Variants in SH3GL2 observed in about 807,000 individuals in gnomAD.
The protein encoded by SH3GL2 is endophilin-A1.
A neutral mutation model predicts 46.0 loss-of-function variants in SH3GL2; 24 were observed. The observed-to-expected ratio is 0.52, with a 90% CI of 0.38 to 0.73. The LOEUF (loss-of-function observed/expected upper bound fraction) is 0.73, where lower values mean the gene tolerates loss of function less well. Ranked by LOEUF, SH3GL2 falls within the 30% of genes least tolerant of loss-of-function variation. The pLI, the probability that SH3GL2 is intolerant of heterozygous loss-of-function variation, is 0.00. For missense variants in SH3GL2, 413 were observed against 424.2 expected, an observed-to-expected ratio of 0.97 and a Z score of 0.23; for synonymous variants, 196 against 147.1, an observed-to-expected ratio of 1.33 and a Z score of -2.40.
intron 1 of SH3GL2, among the ~76,000 whole-genome samples, chr9:17,582,614 T>G (rs967783523): frequency 1.3e-5 from 2 of 152,220 alleles, no homozygotes; most frequent in African/African-American, 4.8e-5. Context: ...AAGTCTATTA[T>G]AAAGTAAAAT....
At position 17,731,005 on chromosome 9, in the gene SH3GL2, T is replaced by G. The variant is rs138284703; in HGVS notation, c.46-16061T>G. Among the ~76,000 whole-genome samples, 556 of 152,248 alleles carry G rather than the reference T, an allele frequency of 3.7e-3. 6 individuals are homozygous for G. The highest frequency in any genetic ancestry group is 0.011 in the African/African-American group (452 of 41,560). ...TTGGGACTTGAGGCATGCAAAACTT[T>G]CAGAGAGAGCCATATGTTCTTATGC... On this transcript the variant is annotated intron_variant, in intron 1 of 8. Coordinates refer to ENST00000380607, the MANE Select transcript of SH3GL2 (RefSeq NM_003026.5).
intron 1 of SH3GL2, among the ~76,000 whole-genome samples, chr9:17,718,389 A>G (rs1483591524): frequency 3.9e-5 from 6 of 152,100 alleles, no homozygotes; most frequent in African/African-American, 1.2e-4. Flanking sequence ...AAAGTACACA[A>G]TGTGGCAGCA....
chr9:17,751,331 G>A (rs1465717703), intron 2 of SH3GL2, among the ~76,000 whole-genome samples: 1 of 152,148 alleles, frequency 6.6e-6, no homozygotes, highest in African/African-American at 2.4e-5. Flanking sequence ...CAGTCACTGG[G>A]TGGAGAGGGG....
intron 1 of SH3GL2, among the ~76,000 whole-genome samples, chr9:17,684,913 A>T (rs1019106578): frequency 2.6e-5 from 4 of 152,122 alleles, no homozygotes; most frequent in Admixed American, 6.6e-5. Context: ...AATCAATGGA[A>T]ATGAAGATAA....
At chr9:17,738,665 G>GAGAC (rs1270638429) in intron 1 of SH3GL2, among the ~76,000 whole-genome samples, 9 of 144,184 alleles carry the variant, frequency 6.2e-5, no homozygotes, top group South Asian at 2.3e-4. Flanking sequence ...GAGAGAGAGA[G>GAGAC]AGAGAGAGAT....
At chr9:17,623,680 AT>A (rs759634663) in intron 1 of SH3GL2, among the ~76,000 whole-genome samples, 15 of 150,100 alleles carry the variant, frequency 1.0e-4, no homozygotes, top group Non-Finnish European at 1.9e-4. Context: ...ACCTTTTCTT[AT>A]ATTTAACCCT....
intron 1 of SH3GL2, among the ~76,000 whole-genome samples, chr9:17,710,770 G>C (rs1342834685): frequency 1.3e-5 from 2 of 151,888 alleles, no homozygotes; most frequent in African/African-American, 4.8e-5. Flanking sequence ...ATTATACCAA[G>C]TGAAATAAGC....
At chr9:17,786,595 T>C in intron 4 of SH3GL2, 71 bp downstream of exon 4, 1 of 1,482,998 alleles carries the variant, frequency 6.7e-7, no homozygotes, top group Non-Finnish European at 9.4e-7. Context: ...TAAGAAATTC[T>C]GTAGGGAATC....
At chr9:17,586,285 C>T (rs745318786) in intron 1 of SH3GL2, among the ~76,000 whole-genome samples, 1 of 152,172 alleles carries the variant, frequency 6.6e-6, no homozygotes, top group African/African-American at 2.4e-5. Flanking sequence ...GTCTGTAATA[C>T]TCGTGAAGAA....
At chr9:17,640,191 A>C (rs936743388) in intron 1 of SH3GL2, among the ~76,000 whole-genome samples, 2 of 152,132 alleles carry the variant, frequency 1.3e-5, no homozygotes, top group Admixed American at 6.5e-5. Context: ...ACATTTTAAA[A>C]ATATATAGTC....
chr9:17,705,244 A>C (rs1170497512), intron 1 of SH3GL2, among the ~76,000 whole-genome samples: 1 of 152,100 alleles, frequency 6.6e-6, no homozygotes, highest in Non-Finnish European at 1.5e-5. Flanking sequence ...AGACAATAAC[A>C]GATGTTGGCA....
chr9:17,697,225 TTC>T (rs1380076820), intron 1 of SH3GL2, among the ~76,000 whole-genome samples: 1 of 149,574 alleles, frequency 6.7e-6, no homozygotes, highest in Non-Finnish European at 1.5e-5. Context: ...TCAAATGCAT[TTC>T]TTTTTTTTTT....
chr9:17,580,105 C>A (rs887112177), intron 1 of SH3GL2, among the ~76,000 whole-genome samples: 4 of 152,120 alleles, frequency 2.6e-5, no homozygotes, highest in African/African-American at 7.2e-5. Flanking sequence ...AATCATTGGA[C>A]TCAAAGAATT....
chr9:17,616,402 C>G (rs1012616552), intron 1 of SH3GL2, among the ~76,000 whole-genome samples: 5 of 152,038 alleles, frequency 3.3e-5, no homozygotes, highest in Non-Finnish European at 7.4e-5. Flanking sequence ...TCTATTGGTG[C>G]TTAAAAAAAT....
chr9:17,622,088 C>A (rs1283788187), intron 1 of SH3GL2, among the ~76,000 whole-genome samples: 1 of 152,054 alleles, frequency 6.6e-6, no homozygotes, highest in African/African-American at 2.4e-5. Flanking sequence ...AGGCTATTTC[C>A]CTATTTTTCA....
intron 1 of SH3GL2, among the ~76,000 whole-genome samples, chr9:17,672,170 C>G (rs539955305): frequency 6.6e-6 from 1 of 152,198 alleles, no homozygotes; most frequent in South Asian, 2.1e-4. Context: ...GTTGAATTTG[C>G]TTATTTTGTA....
chr9:17,748,955 C>A (rs1822768590), intron 2 of SH3GL2, among the ~76,000 whole-genome samples: 1 of 152,160 alleles, frequency 6.6e-6, no homozygotes, highest in African/African-American at 2.4e-5. Flanking sequence ...TGCCAAGAGG[C>A]AGGGTCCTGT....
intron 2 of SH3GL2, among the ~76,000 whole-genome samples, chr9:17,749,601 T>A (rs1338026101): frequency 6.6e-6 from 1 of 152,200 alleles, no homozygotes; most frequent in South Asian, 2.1e-4. Context: ...CTAAAGGGAA[T>A]AAGCTAGGCA....
At chr9:17,710,612 G>A (rs1474383018) in intron 1 of SH3GL2, among the ~76,000 whole-genome samples, 1 of 151,998 alleles carries the variant, frequency 6.6e-6, no homozygotes, top group Non-Finnish European at 1.5e-5. Flanking sequence ...CATGTTCACA[G>A]CAACATTATT....
Sources: allele counts gnomAD v4.1 joint callset (sites outside exome capture counted in the v4.1 genomes callset), GRCh38; gene constraint gnomAD v4.1.1; transcripts MANE v1.5; gene names NCBI Gene and HGNC (gene_info 2026-07-23, HGNC 2026-07-21).